ADGRL3: variants seen among roughly 807,000 people sequenced by gnomAD.
The protein encoded by ADGRL3 is calcium-independent alpha-latrotoxin receptor 3.
Under a neutral mutation model 153.5 loss-of-function variants are expected in ADGRL3, and 62 were observed. The ratio of observed to expected loss-of-function variants is 0.40; its 90% CI spans 0.33 to 0.50. The LOEUF is 0.50. Ranked by LOEUF, ADGRL3 falls within the 20% of genes least tolerant of loss-of-function variation. The pLI, the probability that ADGRL3 is intolerant of heterozygous loss-of-function variation, is 0.47. For synonymous variants in ADGRL3, 710 were observed against 672.5 expected (o/e 1.06, Z -0.86); for missense variants, 1,641 against 1,859.4 (o/e 0.88, Z 2.16).
At chr4:61,589,100 A>C (rs1054683958) in intron 5 of ADGRL3, among the ~76,000 whole-genome samples, 1 of 152,096 alleles carries the variant, frequency 6.6e-6, no homozygotes, top group Non-Finnish European at 1.5e-5. Context: ...CTTTGGAGTC[A>C]CTGAACTATA....
At chr4:61,638,066 C>T (rs1303252084) in intron 5 of ADGRL3, among the ~76,000 whole-genome samples, 1 of 152,132 alleles carries the variant, frequency 6.6e-6, no homozygotes, top group Non-Finnish European at 1.5e-5. Flanking sequence ...TGAAAACCTT[C>T]ATCCACAAAA....
chr4:62,006,949 A>G (rs1237144015), intron 21 of ADGRL3, among the ~76,000 whole-genome samples: 1 of 152,088 alleles, frequency 6.6e-6, no homozygotes, highest in East Asian at 1.9e-4. Context: ...CTTAAAATTC[A>G]GAAGTAAGTG....
At chr4:61,517,216 G>A in intron 3 of ADGRL3, 99 bp from the exon 4 acceptor site, 1 of 648,346 alleles carries the variant, frequency 1.5e-6, no homozygotes, top group Non-Finnish European at 2.8e-6. Flanking sequence ...CCTATAGCCG[G>A]CGGCAGAGAG....
intron 23 of ADGRL3, among the ~76,000 whole-genome samples, chr4:62,034,531 A>G (rs556300346): frequency 3.3e-5 from 5 of 151,838 alleles, no homozygotes; most frequent in Admixed American, 2.0e-4. Flanking sequence ...TTTGGTTTTT[A>G]TTTTGTATAA....
chr4:61,456,845 C>T (rs1255510499), intron 2 of ADGRL3, among the ~76,000 whole-genome samples: 1 of 151,874 alleles, frequency 6.6e-6, no homozygotes, highest in Non-Finnish European at 1.5e-5. Context: ...GAATTGTATA[C>T]ATCAATTTTT....
At chr4:61,603,130 A>G (rs202043789) in intron 5 of ADGRL3, among the ~76,000 whole-genome samples, 1 of 152,190 alleles carries the variant, frequency 6.6e-6, no homozygotes, top group East Asian at 1.9e-4. Context: ...TTCTGTCAAT[A>G]TTGTTGGAAA....
intron 1 of ADGRL3, among the ~76,000 whole-genome samples, chr4:61,382,745 A>G (rs1439923558): frequency 6.6e-6 from 1 of 151,822 alleles, no homozygotes; most frequent in African/African-American, 2.4e-5. Context: ...ACCTAATGGC[A>G]AAAGTGGTAA....
chr4:61,838,585 T>G (rs564642505), intron 9 of ADGRL3, among the ~76,000 whole-genome samples: 4 of 152,184 alleles, frequency 2.6e-5, no homozygotes, highest in Non-Finnish European at 4.4e-5. Context: ...AATAAAGATG[T>G]ACATGTCTAA....
intron 1 of ADGRL3, among the ~76,000 whole-genome samples, chr4:61,218,680 A>G (rs1022846099): frequency 1.3e-5 from 2 of 152,054 alleles, no homozygotes; most frequent in African/African-American, 4.8e-5. Flanking sequence ...ATTAAACAGA[A>G]AAAATACTGC....
At chr4:61,729,066 A>AG (rs1400472969) in intron 6 of ADGRL3, among the ~76,000 whole-genome samples, 1 of 151,658 alleles carries the variant, frequency 6.6e-6, no homozygotes, top group Non-Finnish European at 1.5e-5. Flanking sequence ...AGAGGGAGGG[A>AG]GGGGGGTGAG....
intron 6 of ADGRL3, among the ~76,000 whole-genome samples, chr4:61,726,241 C>T (rs2096341770): frequency 1.0e-5 from 1 of 97,398 alleles, no homozygotes; most frequent in Non-Finnish European, 2.0e-5. Context: ...CCCTGTCGCC[C>T]AGGTTGGAGT....
chr4:61,276,138 A>C (rs185872112), intron 1 of ADGRL3, among the ~76,000 whole-genome samples: 1 of 152,234 alleles, frequency 6.6e-6, no homozygotes, highest in Admixed American at 6.6e-5. Context: ...CCAATCCATT[A>C]AATAAAGGTC....
chr4:61,478,886 T>C (rs2098098633), intron 2 of ADGRL3, among the ~76,000 whole-genome samples: 1 of 152,092 alleles, frequency 6.6e-6, no homozygotes, highest in Admixed American at 6.6e-5. Flanking sequence ...TCAGTTAATG[T>C]TATGTTTCCA....
intron 9 of ADGRL3, among the ~76,000 whole-genome samples, chr4:61,856,594 C>T (rs2149222486): frequency 1.7e-5 from 1 of 57,792 alleles, no homozygotes; most frequent in Non-Finnish European, 4.5e-5. Context: ...TTTTCTCTCT[C>T]TCTCTCTCTC....
chr4:61,828,061 C>T (rs2097828972), intron 9 of ADGRL3, among the ~76,000 whole-genome samples: 1 of 152,056 alleles, frequency 6.6e-6, no homozygotes, highest in Admixed American at 6.6e-5. Context: ...AAGATCTTTC[C>T]TGGAAGTTGA....
intron 4 of ADGRL3, among the ~76,000 whole-genome samples, chr4:61,584,206 T>C (rs905947326): frequency 2.0e-5 from 3 of 152,000 alleles, no homozygotes; most frequent in Non-Finnish European, 4.4e-5. Context: ...ATTAACAAAT[T>C]CCCGTAAACA....
At chr4:61,948,319 A>G (rs763747873) in intron 17 of ADGRL3, 43 bp downstream of exon 17, 1 of 1,473,144 alleles carries the variant, frequency 6.8e-7, no homozygotes, top group Non-Finnish European at 9.4e-7. Context: ...AGTATATTAT[A>G]TGGTCACTAA....
intron 2 of ADGRL3, among the ~76,000 whole-genome samples, chr4:61,477,489 C>G (rs1349984671): frequency 1.3e-5 from 2 of 152,080 alleles, no homozygotes; most frequent in Admixed American, 6.5e-5. Context: ...GTGCTTGATA[C>G]AAAAATGTTA....
chr4:61,998,568 CTT>C (rs569156598), intron 21 of ADGRL3, among the ~76,000 whole-genome samples: 2 of 139,700 alleles, frequency 1.4e-5, no homozygotes, highest in African/African-American at 2.6e-5. Flanking sequence ...GCAGGTTATT[CTT>C]TTTTTTTTTT....
Sources: allele counts gnomAD v4.1 joint callset (sites outside exome capture counted in the v4.1 genomes callset), GRCh38; gene constraint gnomAD v4.1.1; transcripts MANE v1.5; gene names NCBI Gene and HGNC (gene_info 2026-07-23, HGNC 2026-07-21).